RASGEF1A: variants seen among roughly 807,000 people sequenced by gnomAD.
RASGEF1A encodes RasGEF domain family member 1A.
Under a neutral mutation model 56.4 loss-of-function variants are expected in RASGEF1A, and 18 were observed. The ratio of observed to expected loss-of-function variants is 0.32; its 90% CI spans 0.22 to 0.47. RASGEF1A has a LOEUF of 0.47. Among genes scored for constraint, RASGEF1A ranks in the 20% least tolerant of loss-of-function variants. The pLI is 1.00. For synonymous variants in RASGEF1A, 245 were observed against 242.6 expected (o/e 1.01, Z -0.09); for missense variants, 422 against 627.1 (o/e 0.67, Z 3.49).
chr10:43,224,977 A>G (rs1452530466), intron 1 of RASGEF1A, among the ~76,000 whole-genome samples: 1 of 152,154 alleles, frequency 6.6e-6, no homozygotes, highest in Non-Finnish European at 1.5e-5. Context: ...TGGAGCTGTT[A>G]CAGAGATGCT....
At chr10:43,203,273 G>A (rs764281308) in intron 3 of RASGEF1A, 25 bp downstream of exon 3, 7 of 1,375,208 alleles carry the variant, frequency 5.1e-6, no homozygotes, top group Admixed American at 2.4e-5. Flanking sequence ...GCCCCCGCCC[G>A]TGCCCCAGCC....
intron 1 of RASGEF1A, 50 bp from the exon 2 acceptor site, chr10:43,206,172 C>A: frequency 6.9e-7 from 1 of 1,445,080 alleles, no homozygotes; most frequent in Non-Finnish European, 9.5e-7. Context: ...CTCCACAGCT[C>A]CACAGACCCT....
intron 1 of RASGEF1A, among the ~76,000 whole-genome samples, chr10:43,252,309 G>A (rs1473560236): frequency 6.6e-6 from 1 of 152,204 alleles, no homozygotes. Flanking sequence ...ACCCCAGAAG[G>A]AGCAGACAGA....
intron 10 of RASGEF1A, 72 bp from the exon 11 acceptor site, chr10:43,197,171 G>A (rs2133175857): frequency 8.4e-6 from 13 of 1,554,976 alleles, no homozygotes; most frequent in Middle Eastern, 1.7e-4. Context: ...GGCAGGGGAC[G>A]TAGGTTTTGG....
At chr10:43,200,567 A>G in intron 5 of RASGEF1A, 100 bp downstream of exon 5, 1 of 1,087,958 alleles carries the variant, frequency 9.2e-7, no homozygotes, top group Non-Finnish European at 1.3e-6. Flanking sequence ...CACTTCCCTG[A>G]TGGCTCAGTG....
chr10:43,236,582 G>C (rs747409084), intron 1 of RASGEF1A, among the ~76,000 whole-genome samples: 1 of 152,170 alleles, frequency 6.6e-6, no homozygotes, highest in South Asian at 2.1e-4. Context: ...TCCGTCTCTC[G>C]CGCCCTCCCT....
intron 1 of RASGEF1A, among the ~76,000 whole-genome samples, chr10:43,238,527 G>A (rs1840464396): frequency 6.6e-6 from 1 of 152,210 alleles, no homozygotes; most frequent in Admixed American, 6.5e-5. Context: ...CACTGCCCCA[G>A]CCCCATGTCC....
At chr10:43,230,695 G>A (rs1303458648) in intron 1 of RASGEF1A, among the ~76,000 whole-genome samples, 2 of 152,144 alleles carry the variant, frequency 1.3e-5, no homozygotes, top group Non-Finnish European at 2.9e-5. Context: ...ATGGACAATC[G>A]TGACCCTGAC....
intron 1 of RASGEF1A, among the ~76,000 whole-genome samples, chr10:43,248,004 G>A (rs1159931247): frequency 6.7e-6 from 1 of 149,124 alleles, no homozygotes; most frequent in Non-Finnish European, 1.5e-5. Context: ...TTTGAGACCA[G>A]CCTGAGCAAT....
chr10:43,214,478 A>G (rs1234214350), intron 1 of RASGEF1A, among the ~76,000 whole-genome samples: 3 of 152,182 alleles, frequency 2.0e-5, no homozygotes, highest in Admixed American at 1.3e-4. Flanking sequence ...ACAGAGCACA[A>G]CTGTCCAGCT....
chr10:43,243,709 G>A (rs951656172), intron 1 of RASGEF1A, among the ~76,000 whole-genome samples: 4 of 144,482 alleles, frequency 2.8e-5, no homozygotes, highest in African/African-American at 7.8e-5. Context: ...CTGCCCAGCC[G>A]CCCCATCTGG....
chr10:43,242,325 C>T (rs1376061962), intron 1 of RASGEF1A, among the ~76,000 whole-genome samples: 1 of 152,036 alleles, frequency 6.6e-6, no homozygotes, highest in Non-Finnish European at 1.5e-5. Context: ...ATAACAATTA[C>T]AAACAAATAT....
At chr10:43,207,829 C>A in intron 1 of RASGEF1A, 1 of 563,776 alleles carries the variant, frequency 1.8e-6, no homozygotes, top group Non-Finnish European at 2.2e-6. Flanking sequence ...CTGATGTGAG[C>A]CAATCCTTCA....
intron 1 of RASGEF1A, among the ~76,000 whole-genome samples, chr10:43,239,429 G>A (rs1160397307): frequency 6.6e-6 from 1 of 152,054 alleles, no homozygotes; most frequent in Admixed American, 6.6e-5. Flanking sequence ...TTCCATAAAC[G>A]CAACAAGAAA....
At chr10:43,207,461 C>T (rs1003824206) in intron 1 of RASGEF1A, 1 of 985,338 alleles carries the variant, frequency 1.0e-6, no homozygotes, top group African/African-American at 1.8e-5. Context: ...CCCTGTCCCT[C>T]CCACCAGGGA....
In RASGEF1A at chr10:43,196,122, C is replaced by G. The variant is rs2099292318; in HGVS notation, c.*122G>C. The G allele has an allele frequency of 1.1e-6, 1 of 914,986 alleles. No homozygotes were observed. The highest frequency in any genetic ancestry group is 1.7e-5 in the African/African-American group (1 of 60,354). 56.7% of individuals were successfully genotyped at this position (914,986 alleles called of 1,614,324 possible). A position where few individuals can be genotyped will look rare whatever the true frequency, so the allele number is the denominator to read the frequency against. On this transcript the variant is annotated 3_prime_UTR_variant, in exon 13 of 13. Coordinates refer to ENST00000395810, the MANE Select transcript of RASGEF1A (RefSeq NM_145313.4). The surrounding 1 kb of genome is among the most constrained non-coding windows in gnomAD (Gnocchi z 4.6). ...CGTGAAATAATTACCATTTTTTTCTCATAAAAGTTATATACAAAATGGACC... is the reference window on the plus strand; with the variant it reads ...CGTGAAATAATTACCATTTTTTTCTGATAAAAGTTATATACAAAATGGACC...
intron 1 of RASGEF1A, chr10:43,229,561 C>T: frequency 1.6e-6 from 2 of 1,273,070 alleles, no homozygotes; most frequent in Non-Finnish European, 2.1e-6. Flanking sequence ...TGCAGGGGAC[C>T]GTCGCACCCC....
intron 1 of RASGEF1A, among the ~76,000 whole-genome samples, chr10:43,254,902 T>A (rs1229025271): frequency 1.3e-5 from 2 of 152,132 alleles, no homozygotes; most frequent in Non-Finnish European, 2.9e-5. Flanking sequence ...CATTGGGACC[T>A]CCTTGTGTAG....
chr10:43,249,762 A>G (rs1192180670), intron 1 of RASGEF1A, among the ~76,000 whole-genome samples: 1 of 152,082 alleles, frequency 6.6e-6, no homozygotes, highest in Non-Finnish European at 1.5e-5. Context: ...TGTGGTCAGG[A>G]GGAGGTGGGC....
Sources: gnomAD v4.1 joint callset for allele counts (sites outside exome capture counted in the v4.1 genomes callset) on GRCh38, gnomAD v4.1.1 for gene constraint, Gnocchi (gnomAD v3.1) non-coding constraint, MANE v1.5 for transcripts, NCBI Gene and HGNC (gene_info 2026-07-23, HGNC 2026-07-21) for gene names.